The following SEC24D variants were observed in gnomAD, a reference collection of about 807,000 sequenced individuals.
SEC24D encodes protein transport protein Sec24D.
SEC24D carries 69 observed loss-of-function variants against 116.9 expected under a neutral mutation model. That is an observed-to-expected ratio of 0.59 (90% CI 0.49 to 0.72). The LOEUF (loss-of-function observed/expected upper bound fraction) is 0.72, where lower values mean the gene tolerates loss of function less well. SEC24D is among the 30% of genes least tolerant of loss of function. The pLI is 0.00. For missense variants in SEC24D, 1,131 were observed against 1,264.1 expected (o/e 0.89, Z 1.60); for synonymous variants, 405 against 442.8 (o/e 0.91, Z 1.07).
At chr4:118,778,609 T>C (rs1014628241) in intron 8 of SEC24D, among the ~76,000 whole-genome samples, 2 of 152,220 alleles carry the variant, frequency 1.3e-5, no homozygotes, top group African/African-American at 4.8e-5. Flanking sequence ...TGGTTCCATA[T>C]GAACTTTAGT....
chr4:118,819,253 G>A (rs1007264307), intron 3 of SEC24D, among the ~76,000 whole-genome samples: 2 of 151,896 alleles, frequency 1.3e-5, no homozygotes, highest in Non-Finnish European at 2.9e-5. Context: ...CTTTGTCTGC[G>A]GGGCGTGGTG....
Position 118,742,584 on chromosome 4 carries a change from G to A in SEC24D, c.1995+1404C>T, listed in dbSNP as rs141179626. 7.3e-3 allele frequency among the ~76,000 whole-genome samples: 1,104 copies of A among 152,202 alleles called. 49 individuals are homozygous for A. In the South Asian group the frequency reaches 0.13, roughly 18 times the overall value. On this transcript the variant is annotated intron_variant, in intron 15 of 22. Coordinates refer to ENST00000280551, the MANE Select transcript of SEC24D (RefSeq NM_014822.4). Reference sequence around the variant, plus strand: ...AGAAGTCTTAGAAAGAGTTGTTAAAGCTTTTTCAATTTTATTTCATTTACA... The same window carrying A: ...AGAAGTCTTAGAAAGAGTTGTTAAAACTTTTTCAATTTTATTTCATTTACA...
intron 22 of SEC24D, among the ~76,000 whole-genome samples, chr4:118,727,385 A>T (rs1725468394): frequency 6.6e-6 from 1 of 152,150 alleles, no homozygotes. Flanking sequence ...AACTTTGATA[A>T]GTGGTTGGAA....
At chr4:118,787,234 T>C (rs1285886054) in intron 8 of SEC24D, among the ~76,000 whole-genome samples, 1 of 152,256 alleles carries the variant, frequency 6.6e-6, no homozygotes, top group Non-Finnish European at 1.5e-5. Flanking sequence ...GTTACATTCA[T>C]CATTTTATTT....
At chr4:118,725,114 G>A (rs909275339) in intron 22 of SEC24D, among the ~76,000 whole-genome samples, 9 of 152,166 alleles carry the variant, frequency 5.9e-5, no homozygotes, top group Non-Finnish European at 1.3e-4. Context: ...TAGGTTTTAA[G>A]TTGCCCCGAC....
rs1222171701 is a variant in SEC24D at position 118,745,153 on chromosome 4, T to A, written c.1708-93A>T. 15 of 729,946 alleles carry A rather than the reference T, an allele frequency of 2.1e-5. No individual in the cohort carries two copies. In the Admixed American group the frequency reaches 2.8e-4, roughly 13 times the overall value. The allele number at this position is 729,946 out of a possible 1,614,324, so 45.2% of individuals were successfully genotyped here. A position where few individuals can be genotyped will look rare whatever the true frequency, so the allele number is the denominator to read the frequency against. ...GAAAATAAAATATAAGTTCTTTCTA[T>A]GAGCTAAGCACTATATTCATTTAAT... On this transcript the variant is annotated intron_variant, in intron 13 of 22. Coordinates refer to ENST00000280551, the MANE Select transcript of SEC24D (RefSeq NM_014822.4).
chr4:118,782,235 G>A (rs940274279), intron 8 of SEC24D, among the ~76,000 whole-genome samples: 5 of 152,138 alleles, frequency 3.3e-5, no homozygotes, highest in Non-Finnish European at 7.4e-5. Context: ...ATCTACCTTT[G>A]GTCTTTGATG....
intron 8 of SEC24D, chr4:118,769,678 A>G (rs988803639): frequency 2.0e-5 from 3 of 152,202 alleles, no homozygotes; most frequent in Non-Finnish European, 4.4e-5. Flanking sequence ...TATTAACACA[A>G]TACTCAAAAG....
chr4:118,795,472 G>T (rs1052459632), intron 8 of SEC24D, among the ~76,000 whole-genome samples: 2 of 152,060 alleles, frequency 1.3e-5, no homozygotes, highest in Non-Finnish European at 2.9e-5. Flanking sequence ...GCCTTCCAAA[G>T]TCCTGGGATT....
chr4:118,756,709 C>T (rs13150663), intron 11 of SEC24D, among the ~76,000 whole-genome samples: 39,079 of 151,954 alleles, frequency 0.26, 6,484 homozygotes, highest in Non-Finnish European at 0.36. Context: ...CATTTCCCAG[C>T]CTGTTCATAT....
intron 8 of SEC24D, among the ~76,000 whole-genome samples, chr4:118,791,962 G>A (rs1728931574): frequency 6.6e-6 from 1 of 151,946 alleles, no homozygotes; most frequent in Non-Finnish European, 1.5e-5. Context: ...TAGGAAGTGA[G>A]GAGCGTCTCT....
At chr4:118,764,665 T>A (rs1727550627) in intron 10 of SEC24D, 137 bp downstream of exon 10, 1 of 556,084 alleles carries the variant, frequency 1.8e-6, no homozygotes, top group African/African-American at 1.9e-5. Flanking sequence ...GGGATCTGTG[T>A]CTTAGGCATT....
chr4:118,765,012 A>G, intron 9 of SEC24D, 95 bp from the exon 10 acceptor site: 1 of 704,042 alleles, frequency 1.4e-6, no homozygotes, highest in Non-Finnish European at 2.5e-6. Context: ...GAAAGGAGTT[A>G]GTATCTGGAA....
intron 15 of SEC24D, among the ~76,000 whole-genome samples, chr4:118,743,263 ACT>A (rs1230605193): frequency 6.6e-6 from 1 of 151,904 alleles, no homozygotes; most frequent in African/African-American, 2.4e-5. Context: ...TTGATATTTG[ACT>A]CTGAGGATGA....
chr4:118,799,654 G>A (rs1052958374), intron 7 of SEC24D, among the ~76,000 whole-genome samples: 1 of 152,212 alleles, frequency 6.6e-6, no homozygotes, highest in African/African-American at 2.4e-5. Context: ...AAAGGACTGA[G>A]AAGGATGAAA....
chr4:118,751,174 GGC>G, intron 13 of SEC24D, among the ~76,000 whole-genome samples: 1 of 104,594 alleles, frequency 9.6e-6, no homozygotes, highest in African/African-American at 3.0e-5. Flanking sequence ...TTAGAGTGAG[GGC>G]TTTTTTTTTT....
intron 1 of SEC24D, among the ~76,000 whole-genome samples, chr4:118,834,586 T>TA: frequency 6.7e-6 from 1 of 150,230 alleles, no homozygotes; most frequent in East Asian, 2.0e-4. Context: ...GACTGATGAT[T>TA]TAAAAAAAAA....
intron 15 of SEC24D, among the ~76,000 whole-genome samples, chr4:118,743,350 T>C (rs937606694): frequency 8.7e-6 from 1 of 114,660 alleles, no homozygotes; most frequent in African/African-American, 2.5e-5. Flanking sequence ...TTCCTATATA[T>C]ATATATACAC....
rs56961502 is a variant in SEC24D at position 118,810,137 on chromosome 4, T to TGTGTGTGTGTGTGTGTGG, written c.802-4184_802-4183insCCACACACACACACACAC. Among the ~76,000 whole-genome samples, 437 of 104,390 alleles carry TGTGTGTGTGTGTGTGTGG rather than the reference T, an allele frequency of 4.2e-3. 40 individuals are homozygous for TGTGTGTGTGTGTGTGTGG. The highest frequency in any genetic ancestry group is 6.0e-3 in the East Asian group (21 of 3,476). 68.5% of individuals were successfully genotyped at this position (104,390 alleles called of 152,430 possible). ...GTGTGTGTGTGTGTGTGTGTGTGTG[T>TGTGTGTGTGTGTGTGTGG]CAGAGGGTATAGGGGAGCCAGGGGT... On this transcript the variant is annotated intron_variant, in intron 6 of 22. Transcript: ENST00000280551.
Sources: gnomAD v4.1 joint callset for allele counts (sites outside exome capture counted in the v4.1 genomes callset) on GRCh38, gnomAD v4.1.1 for gene constraint, MANE v1.5 for transcripts, NCBI Gene and HGNC (gene_info 2026-07-23, HGNC 2026-07-21) for gene names.